The following TAF3 variants were observed in gnomAD, a reference collection of about 807,000 sequenced individuals.
The protein encoded by TAF3 is transcription initiation factor TFIID subunit 3.
A neutral mutation model predicts 80.6 loss-of-function variants in TAF3; 7 were observed. The observed-to-expected ratio is 0.09, with a 90% confidence interval of 0.05 to 0.16. The LOEUF (loss-of-function observed/expected upper bound fraction) is 0.16. TAF3 is among the 10% of genes least tolerant of loss of function. The pLI is 1.00. For synonymous variants in TAF3, 444 were observed against 446.1 expected, an observed-to-expected ratio of 1.00 and a Z score of 0.06; for missense variants, 921 against 1,140.2, an observed-to-expected ratio of 0.81 and a Z score of 2.77.
intron 2 of TAF3, among the ~76,000 whole-genome samples, chr10:7,890,663 T>C (rs1837450212): frequency 6.6e-6 from 1 of 152,232 alleles, no homozygotes; most frequent in Non-Finnish European, 1.5e-5. Flanking sequence ...ATCTATGATC[T>C]CCAGTTTCAG....
At chr10:7,920,303 T>G (rs1402300403) in intron 2 of TAF3, among the ~76,000 whole-genome samples, 1 of 81,120 alleles carries the variant, frequency 1.2e-5, no homozygotes, top group Non-Finnish European at 2.6e-5. Context: ...AACATACGTG[T>G]GTGTGTGTGT....
intron 2 of TAF3, among the ~76,000 whole-genome samples, chr10:7,854,336 G>A (rs776371872): frequency 7.9e-5 from 12 of 152,150 alleles, no homozygotes; most frequent in Non-Finnish European, 1.8e-4. Flanking sequence ...AACTGCCTAC[G>A]TAAGATAACT....
intron 2 of TAF3, 30 bp from the exon 3 acceptor site, chr10:7,963,889 AT>A (rs747015688): frequency 5.3e-6 from 8 of 1,509,736 alleles, no homozygotes; most frequent in African/African-American, 1.4e-5. Context: ...AATAATATTT[AT>A]TTTTTTCTTC....
intron 2 of TAF3, among the ~76,000 whole-genome samples, chr10:7,958,193 A>G (rs1183331411): frequency 1.3e-5 from 2 of 152,170 alleles, no homozygotes; most frequent in African/African-American, 4.8e-5. Flanking sequence ...TCTTATTCCA[A>G]ACACTTAAAA....
chr10:7,923,457 C>T (rs1357512443), intron 2 of TAF3, among the ~76,000 whole-genome samples: 1 of 151,784 alleles, frequency 6.6e-6, no homozygotes, highest in African/African-American at 2.4e-5. Context: ...TACATGAAAA[C>T]TAATGCTAAC....
intron 2 of TAF3, among the ~76,000 whole-genome samples, chr10:7,900,554 C>A (rs1837548569): frequency 6.6e-6 from 1 of 152,144 alleles, no homozygotes; most frequent in African/African-American, 2.4e-5. Flanking sequence ...CCAATGCTGG[C>A]ATCATTGAAA....
At chr10:7,947,914 A>G (rs1838041036) in intron 2 of TAF3, among the ~76,000 whole-genome samples, 1 of 152,216 alleles carries the variant, frequency 6.6e-6, no homozygotes, top group South Asian at 2.1e-4. Context: ...TTCTTAGCCA[A>G]CAGTCTAACT....
At chr10:7,991,607 C>T (rs1000080137) in intron 4 of TAF3, among the ~76,000 whole-genome samples, 2 of 152,112 alleles carry the variant, frequency 1.3e-5, no homozygotes, top group East Asian at 1.9e-4. Flanking sequence ...CACATACACA[C>T]ATGCATACAT....
At chr10:7,878,073 C>T (rs926570294) in intron 2 of TAF3, among the ~76,000 whole-genome samples, 4 of 151,984 alleles carry the variant, frequency 2.6e-5, no homozygotes, top group Admixed American at 6.6e-5. Flanking sequence ...TAATAGGGAA[C>T]GGGTATTATG....
intron 2 of TAF3, among the ~76,000 whole-genome samples, chr10:7,884,654 C>G (rs899976767): frequency 6.6e-6 from 1 of 152,194 alleles, no homozygotes; most frequent in African/African-American, 2.4e-5. Context: ...TCCAAAAGTG[C>G]TGGGATTACA....
intron 1 of TAF3, among the ~76,000 whole-genome samples, chr10:7,820,483 C>T (rs927599969): frequency 2.0e-5 from 3 of 152,174 alleles, no homozygotes; most frequent in Non-Finnish European, 2.9e-5. Flanking sequence ...TGCTTGATTT[C>T]ACTGATACTT....
intron 2 of TAF3, among the ~76,000 whole-genome samples, chr10:7,865,452 C>G (rs571812027): frequency 6.6e-6 from 1 of 152,002 alleles, no homozygotes; most frequent in East Asian, 1.9e-4. Flanking sequence ...GCACTCCAGC[C>G]TGGGGGACAG....
At chr10:7,975,417 A>G (rs149204062) in intron 3 of TAF3, among the ~76,000 whole-genome samples, 13 of 152,326 alleles carry the variant, frequency 8.5e-5, no homozygotes, top group African/African-American at 3.1e-4. Flanking sequence ...GCACTAGAAA[A>G]TAGCAGTAAG....
intron 2 of TAF3, among the ~76,000 whole-genome samples, chr10:7,827,863 G>A (rs1836759290): frequency 6.6e-6 from 1 of 151,982 alleles, no homozygotes; most frequent in Non-Finnish European, 1.5e-5. Context: ...AGTCTGTGGT[G>A]GGAGGATCAG....
intron 5 of TAF3, among the ~76,000 whole-genome samples, chr10:8,010,531 T>C (rs926213201): frequency 6.6e-6 from 1 of 152,228 alleles, no homozygotes; most frequent in Non-Finnish European, 1.5e-5. Context: ...TTGGCTATGA[T>C]CCAGAATATG....
At chr10:7,930,348 A>T (rs1837856703) in intron 2 of TAF3, among the ~76,000 whole-genome samples, 1 of 152,192 alleles carries the variant, frequency 6.6e-6, no homozygotes, top group African/African-American at 2.4e-5. Flanking sequence ...ATTCTTAATC[A>T]TCCATGAATA....
At chr10:7,936,885 A>G (rs1837926614) in intron 2 of TAF3, among the ~76,000 whole-genome samples, 1 of 150,750 alleles carries the variant, frequency 6.6e-6, no homozygotes, top group African/African-American at 2.4e-5. Context: ...TTTTTTTTGG[A>G]AACTGTATTC....
intron 1 of TAF3, among the ~76,000 whole-genome samples, chr10:7,823,815 A>G (rs1836713536): frequency 2.0e-5 from 3 of 151,978 alleles, no homozygotes; most frequent in South Asian, 2.1e-4. Context: ...TTGTATTTTT[A>G]GTAGAGACGG....
intron 3 of TAF3, among the ~76,000 whole-genome samples, chr10:7,971,010 T>G (rs986585311): frequency 6.6e-6 from 1 of 152,212 alleles, no homozygotes; most frequent in African/African-American, 2.4e-5. Context: ...CTCATAACTG[T>G]ATGTTCCAAG....
Sources: gnomAD v4.1 joint callset for allele counts (sites outside exome capture counted in the v4.1 genomes callset) on GRCh38, gnomAD v4.1.1 for gene constraint, MANE v1.5 for transcripts, NCBI Gene and HGNC (gene_info 2026-07-23, HGNC 2026-07-21) for gene names.